Variants in NRG1 observed in about 807,000 individuals in gnomAD.
The protein encoded by NRG1 is pro-neuregulin-1, membrane-bound isoform.
In NRG1, 18 loss-of-function variants were observed where a neutral mutation model predicts 63.8. The ratio of observed to expected loss-of-function variants is 0.28; its 90% CI spans 0.19 to 0.42. The LOEUF (loss-of-function observed/expected upper bound fraction) is 0.42, where lower values mean the gene tolerates loss of function less well. Ranked by LOEUF, NRG1 falls within the 10% of genes least tolerant of loss-of-function variation. NRG1 has a pLI of 1.00. For synonymous variants in NRG1, 302 were observed against 301.3 expected, an observed-to-expected ratio of 1.00 and a Z score of -0.02; for missense variants, 762 against 814.7, an observed-to-expected ratio of 0.94 and a Z score of 0.79.
chr8:32,165,489 G>A lies in NRG1; in HGVS notation c.38-430339G>A, dbSNP rs151240758. ...ATTGTAGTCTAATGAAAACATATGAGTATAATAAACAAAAGAAAAAAGAAA... is the reference window on the plus strand; with the variant it reads ...ATTGTAGTCTAATGAAAACATATGAATATAATAAACAAAAGAAAAAAGAAA... On this transcript the variant is annotated intron_variant, in intron 1 of 10. Coordinates refer to the NRG1 transcript ENST00000519301. 6.6e-4 allele frequency among the ~76,000 whole-genome samples: 100 copies of A among 152,064 alleles called. No homozygotes were observed. In the East Asian group the frequency reaches 0.018, roughly 27 times the overall value.
intron 1 of NRG1, chr8:31,639,746 T>C: frequency 1.5e-6 from 2 of 1,372,790 alleles, no homozygotes; most frequent in Non-Finnish European, 1.9e-6. Context: ...CTTTTCTATT[T>C]TGCCTTTTTT....
intron 1 of NRG1, among the ~76,000 whole-genome samples, chr8:32,239,946 A>G (rs75631395): frequency 0.044 from 6,693 of 152,278 alleles, 313 homozygotes; most frequent in African/African-American, 0.12. Flanking sequence ...GATCACTCAT[A>G]CATTGTTGAT....
At chr8:32,759,467 C>T (rs1056942917) in intron 10 of NRG1, 31 bp downstream of exon 10, 2 of 1,606,992 alleles carry the variant, frequency 1.2e-6, no homozygotes, top group Non-Finnish European at 1.7e-6. Flanking sequence ...CACGGCTTTT[C>T]TCTCAGAATG....
At chr8:32,225,868 T>C (rs1846262262) in intron 1 of NRG1, among the ~76,000 whole-genome samples, 1 of 152,142 alleles carries the variant, frequency 6.6e-6, no homozygotes, top group East Asian at 1.9e-4. Flanking sequence ...CTAAATAAAT[T>C]GCATAATTAG....
intron 1 of NRG1, among the ~76,000 whole-genome samples, chr8:32,210,467 T>C (rs1040625791): frequency 3.9e-5 from 6 of 152,158 alleles, no homozygotes; most frequent in African/African-American, 1.4e-4. Context: ...GTCTTGAAGA[T>C]CCATGAGCAA....
chr8:31,888,098 A>C (rs1156285131), intron 1 of NRG1, among the ~76,000 whole-genome samples: 1 of 151,880 alleles, frequency 6.6e-6, no homozygotes, highest in Non-Finnish European at 1.5e-5. Flanking sequence ...ACATGTGTTG[A>C]TATATTACAT....
chr8:31,712,107 T>A (rs1811818779), intron 1 of NRG1, among the ~76,000 whole-genome samples: 1 of 152,032 alleles, frequency 6.6e-6, no homozygotes, highest in Non-Finnish European at 1.5e-5. Flanking sequence ...TTTATTTTGT[T>A]CTCCTTTTTT....
intron 5 of NRG1, among the ~76,000 whole-genome samples, chr8:32,619,198 A>G (rs1338498447): frequency 6.6e-6 from 1 of 152,136 alleles, no homozygotes; most frequent in African/African-American, 2.4e-5. Flanking sequence ...TGGGTGACAG[A>G]GGGAGACTCT....
At position 32,112,462 on chromosome 8, in the gene NRG1, TG is replaced by T. The variant is rs367567675; in HGVS notation, c.37+473032del. ...AGTAAGAGTTGATAAGAGAATTGAC[TG>T]TTGAAGTCAAATCTCCGTATATTTT... On this transcript the variant is annotated intron_variant, in intron 1 of 10. Coordinates refer to the NRG1 transcript ENST00000519301. Among the ~76,000 whole-genome samples the T allele has an allele frequency of 7.1e-3, 1,088 of 152,320 alleles. 11 individuals carry two copies. Among genetic ancestry groups the T allele is most frequent in the African/African-American group, 0.023 (949 of 41,566 alleles).
At chr8:32,701,496 T>C (rs1458642454) in intron 5 of NRG1, among the ~76,000 whole-genome samples, 1 of 152,166 alleles carries the variant, frequency 6.6e-6, no homozygotes, top group Non-Finnish European at 1.5e-5. Flanking sequence ...GGGGCCAGCA[T>C]ATTTGAAGGT....
chr8:32,693,170 A>C (rs924574700), intron 5 of NRG1, among the ~76,000 whole-genome samples: 1 of 151,726 alleles, frequency 6.6e-6, no homozygotes, highest in Non-Finnish European at 1.5e-5. Flanking sequence ...TATTTTAGCC[A>C]GTGGCTCTGA....
chr8:32,700,894 A>G (rs180841270), intron 5 of NRG1, among the ~76,000 whole-genome samples: 3 of 151,912 alleles, frequency 2.0e-5, no homozygotes, highest in Non-Finnish European at 4.4e-5. Context: ...CCCTTGTCAC[A>G]CTGACCTGCA....
At chr8:32,727,008 A>T (rs1287587783) in intron 5 of NRG1, among the ~76,000 whole-genome samples, 1 of 151,962 alleles carries the variant, frequency 6.6e-6, no homozygotes, top group Non-Finnish European at 1.5e-5. Flanking sequence ...ATTGATAAAC[A>T]TTGTGTATAT....
At chr8:32,598,540 A>C (rs1843756704) in intron 2 of NRG1, among the ~76,000 whole-genome samples, 1 of 152,152 alleles carries the variant, frequency 6.6e-6, no homozygotes. Context: ...CTGTCTACAT[A>C]TTAATAAAAT....
chr8:31,727,606 A>G (rs1389014837), intron 1 of NRG1, among the ~76,000 whole-genome samples: 5 of 152,286 alleles, frequency 3.3e-5, no homozygotes, highest in African/African-American at 1.2e-4. Flanking sequence ...TCTCAACTGT[A>G]GTCAATTACA....
chr8:32,076,332 C>A (rs552649855), intron 1 of NRG1, among the ~76,000 whole-genome samples: 4 of 152,098 alleles, frequency 2.6e-5, no homozygotes, highest in Non-Finnish European at 5.9e-5. Flanking sequence ...TGTGACTGAT[C>A]ATGTATGCGT....
intron 1 of NRG1, among the ~76,000 whole-genome samples, chr8:32,281,010 C>T (rs1445848373): frequency 6.6e-6 from 1 of 150,984 alleles, no homozygotes; most frequent in Non-Finnish European, 1.5e-5. Context: ...CCACCCACCT[C>T]GGCCTCCCAA....
intron 1 of NRG1, among the ~76,000 whole-genome samples, chr8:32,252,072 T>A (rs538322577): frequency 6.6e-6 from 1 of 152,300 alleles, no homozygotes; most frequent in African/African-American, 2.4e-5. Flanking sequence ...TTTGTTTAGG[T>A]TCCTTGTAGA....
rs1348419931 is a variant in NRG1, at chr8:31,818,718, G to C, written c.37+179287G>C. ...CCGGTCCCTAACAAGACCATTCACC[G>C]GTACCAGTCAGTAAGCTGGGAGTTG... On this transcript the variant is annotated intron_variant, in intron 1 of 10. Coordinates refer to the NRG1 transcript ENST00000519301. Among the ~76,000 whole-genome samples the C allele has an allele frequency of 2.6e-5, 4 of 152,100 alleles. No individual in the cohort carries two copies. In the South Asian group the frequency reaches 8.3e-4, roughly 32 times the overall value.
Sources: gnomAD v4.1 joint callset for allele counts (sites outside exome capture counted in the v4.1 genomes callset) on GRCh38, gnomAD v4.1.1 for gene constraint, MANE v1.5 for transcripts, NCBI Gene and HGNC (gene_info 2026-07-23, HGNC 2026-07-21) for gene names.